Variants in PKP4 observed in about 807,000 individuals in gnomAD.
PKP4 encodes the protein plakophilin 4, also known as plakophilin-4.
In PKP4, 90 loss-of-function variants were observed where a neutral mutation model predicts 145.1. The ratio of observed to expected loss-of-function variants is 0.62; its 90% CI spans 0.52 to 0.74. The LOEUF (loss-of-function observed/expected upper bound fraction) is 0.74, where lower values mean the gene tolerates loss of function less well. Ranked by LOEUF, PKP4 falls within the 30% of genes least tolerant of loss-of-function variation. The probability of loss-of-function intolerance (pLI) is 0.00; values close to 1 mark genes in which losing one functional copy is unlikely to be tolerated. For synonymous variants in PKP4, 563 were observed against 577.2 expected (o/e 0.98, Z 0.35); for missense variants, 1,340 against 1,482.7 (o/e 0.90, Z 1.58).
At chr2:158,518,439 A>G (rs1313262861) in intron 1 of PKP4, among the ~76,000 whole-genome samples, 1 of 152,200 alleles carries the variant, frequency 6.6e-6, no homozygotes, top group Non-Finnish European at 1.5e-5. Flanking sequence ...TCCTCCTGCA[A>G]TTTTGAGAGC....
chr2:158,474,476 T>A (rs1692130824), intron 1 of PKP4, among the ~76,000 whole-genome samples: 2 of 152,228 alleles, frequency 1.3e-5, no homozygotes, highest in Non-Finnish European at 2.9e-5. Flanking sequence ...ACATCGGAAG[T>A]GTCAAAGTTA....
At chr2:158,463,412 GAAA>G (rs137946075) in intron 1 of PKP4, among the ~76,000 whole-genome samples, 2 of 113,396 alleles carry the variant, frequency 1.8e-5, no homozygotes, top group African/African-American at 7.2e-5. Flanking sequence ...GATCACAGTT[GAAA>G]AAAAAAAAAA....
chr2:158,643,370 A>G (rs1338827538), intron 11 of PKP4, among the ~76,000 whole-genome samples: 1 of 152,152 alleles, frequency 6.6e-6, no homozygotes, highest in Admixed American at 6.6e-5. Flanking sequence ...CCGAAACAGC[A>G]TGGGATATAG....
chr2:158,511,768 T>C (rs1003816951), intron 1 of PKP4, among the ~76,000 whole-genome samples: 1 of 152,198 alleles, frequency 6.6e-6, no homozygotes, highest in African/African-American at 2.4e-5. Context: ...AGAATATGAT[T>C]ATTTACCTTC....
At chr2:158,655,546 A>G (rs2055825833) in intron 11 of PKP4, among the ~76,000 whole-genome samples, 1 of 134,140 alleles carries the variant, frequency 7.5e-6, no homozygotes, top group Admixed American at 8.5e-5. Context: ...AATTTTCTGT[A>G]TATATATCCA....
chr2:158,599,501 A>G (rs1003746383), intron 3 of PKP4, among the ~76,000 whole-genome samples: 5 of 152,164 alleles, frequency 3.3e-5, no homozygotes, highest in Admixed American at 1.3e-4. Flanking sequence ...AGAGGGAAAT[A>G]ATTTCAATAC....
chr2:158,647,893 C>A (rs1018909371), intron 11 of PKP4, among the ~76,000 whole-genome samples: 4 of 152,110 alleles, frequency 2.6e-5, no homozygotes, highest in Non-Finnish European at 5.9e-5. Context: ...ATGGGAACAT[C>A]TTGTCACTAA....
At chr2:158,550,140 A>ATTCTATTAAATTCTATTTAT (rs1559309812) in intron 2 of PKP4, among the ~76,000 whole-genome samples, 3 of 151,860 alleles carry the variant, frequency 2.0e-5, no homozygotes, top group Non-Finnish European at 1.5e-5. Context: ...TTCTGCCAAG[A>ATTCTATTAAATTCTATTTAT]AGAAGTTAAA....
chr2:158,563,699 G>A (rs1317021785), intron 2 of PKP4, among the ~76,000 whole-genome samples: 1 of 137,792 alleles, frequency 7.3e-6, no homozygotes, highest in Non-Finnish European at 1.6e-5. Context: ...CAACAGGTAG[G>A]TATGTAATAT....
At chr2:158,676,610 A>G in intron 19 of PKP4, 129 bp from the exon 20 acceptor site, 1 of 1,127,764 alleles carries the variant, frequency 8.9e-7, no homozygotes, top group Non-Finnish European at 1.3e-6. Flanking sequence ...CCTCTGAGAT[A>G]TTTTCAGCAC....
At chr2:158,500,678 T>C (rs769478985) in intron 1 of PKP4, among the ~76,000 whole-genome samples, 2 of 152,190 alleles carry the variant, frequency 1.3e-5, no homozygotes, top group Non-Finnish European at 2.9e-5. Context: ...CCCTCTTACA[T>C]TGTTGGCCTA....
intron 4 of PKP4, among the ~76,000 whole-genome samples, chr2:158,611,672 GTTGTA>G (rs1188774791): frequency 1.3e-5 from 2 of 152,082 alleles, no homozygotes; most frequent in Non-Finnish European, 2.9e-5. Context: ...GGAAGTGAGT[GTTGTA>G]TTGTACATGT....
At chr2:158,585,890 C>CAAA (rs370996666) in intron 3 of PKP4, among the ~76,000 whole-genome samples, 78 of 133,152 alleles carry the variant, frequency 5.9e-4, no homozygotes, top group East Asian at 4.5e-3. Context: ...TTTATCATTC[C>CAAA]AAAAAAAAAA....
At chr2:158,595,930 T>C (rs545057127) in intron 3 of PKP4, among the ~76,000 whole-genome samples, 1 of 152,242 alleles carries the variant, frequency 6.6e-6, no homozygotes, top group South Asian at 2.1e-4. Context: ...GAATAATTCT[T>C]TAAAAAGCAA....
intron 2 of PKP4, among the ~76,000 whole-genome samples, chr2:158,549,409 A>G (rs2045391341): frequency 6.6e-6 from 1 of 152,042 alleles, no homozygotes; most frequent in South Asian, 2.1e-4. Flanking sequence ...TATTTATAAT[A>G]TTTTTCAGAG....
rs543594003 is a variant in PKP4, at chr2:158,663,135, G to A, written c.2403+47G>A. The A allele has an allele frequency of 1.6e-5, 25 of 1,539,626 alleles. No individual in the cohort carries two copies. In the East Asian group the frequency reaches 5.5e-4, roughly 34 times the overall value. On this transcript the variant is annotated intron_variant, in intron 14 of 21. Transcript: ENST00000389759. ...AGACTCTCAAGTTTAATTTTTCTGG[G>A]AGTGAGGAATCACATATTTGGCAAG...
At chr2:158,570,992 A>G (rs1384261413) in intron 2 of PKP4, among the ~76,000 whole-genome samples, 1 of 152,188 alleles carries the variant, frequency 6.6e-6, no homozygotes, top group East Asian at 1.9e-4. Flanking sequence ...GCAGGAGAGC[A>G]TGCAGAGACC....
intron 3 of PKP4, among the ~76,000 whole-genome samples, chr2:158,584,761 C>G (rs1156972082): frequency 6.6e-6 from 1 of 152,172 alleles, no homozygotes. Flanking sequence ...GAAACTATCC[C>G]TGAAATTTTA....
chr2:158,675,985 A>G (rs1206203165), intron 19 of PKP4, among the ~76,000 whole-genome samples: 1 of 152,090 alleles, frequency 6.6e-6, no homozygotes, highest in Non-Finnish European at 1.5e-5. Context: ...AATGTGAAAT[A>G]TTTCTCTCTT....
Sources: allele counts gnomAD v4.1 joint callset (sites outside exome capture counted in the v4.1 genomes callset), GRCh38; gene constraint gnomAD v4.1.1; transcripts MANE v1.5; gene names NCBI Gene and HGNC (gene_info 2026-07-23, HGNC 2026-07-21).